The following COL14A1 variants were observed in gnomAD, a reference collection of about 807,000 sequenced individuals.
COL14A1 encodes the protein collagen alpha-1(XIV) chain.
In COL14A1, 136 loss-of-function variants were observed where a neutral mutation model predicts 230.3. The observed-to-expected ratio is 0.59, with a 90% confidence interval of 0.51 to 0.68. The LOEUF (loss-of-function observed/expected upper bound fraction) is 0.68. COL14A1 is among the 30% of genes least tolerant of loss of function. The probability of loss-of-function intolerance (pLI) is 0.00; values close to 1 mark genes in which losing one functional copy is unlikely to be tolerated. For synonymous variants in COL14A1, 792 were observed against 784.1 expected (o/e 1.01, Z -0.17); for missense variants, 1,976 against 2,215.8 (o/e 0.89, Z 2.17).
chr8:120,203,447 C>G (rs1053803611), intron 8 of COL14A1, among the ~76,000 whole-genome samples: 3 of 151,742 alleles, frequency 2.0e-5, no homozygotes, highest in African/African-American at 2.4e-5. Context: ...CCTTTTTTTG[C>G]TTATTTTCTT....
chr8:120,296,174 T>C (rs28569909), intron 34 of COL14A1, among the ~76,000 whole-genome samples: 19,827 of 151,468 alleles, frequency 0.13, 1,415 homozygotes, highest in Non-Finnish European at 0.16. Flanking sequence ...TTAAACCACC[T>C]GGAAAAAAAA....
intron 40 of COL14A1, among the ~76,000 whole-genome samples, chr8:120,325,385 AAGTC>A (rs1388577499): frequency 6.6e-6 from 1 of 152,216 alleles, no homozygotes; most frequent in East Asian, 1.9e-4. Context: ...TTTTTTAAAA[AAGTC>A]AGCCTAAGTG....
intron 25 of COL14A1, among the ~76,000 whole-genome samples, chr8:120,269,114 A>G (rs1819583683): frequency 6.6e-6 from 1 of 151,766 alleles, no homozygotes; most frequent in Non-Finnish European, 1.5e-5. Context: ...TTCTTAAAGA[A>G]AGGAGAAAGG....
chr8:120,225,990 T>C (rs897402859), intron 15 of COL14A1, among the ~76,000 whole-genome samples: 3 of 151,150 alleles, frequency 2.0e-5, no homozygotes, highest in African/African-American at 7.4e-5. Flanking sequence ...GTTGGGTTTT[T>C]ATGTTTTTTT....
At chr8:120,333,338 T>C (rs989649766) in intron 42 of COL14A1, among the ~76,000 whole-genome samples, 6 of 152,214 alleles carry the variant, frequency 3.9e-5, no homozygotes, top group Non-Finnish European at 5.9e-5. Flanking sequence ...CTGGGCCTGT[T>C]TCTTCATCTG....
chr8:120,317,629 C>G (rs764085), intron 40 of COL14A1, among the ~76,000 whole-genome samples: 3 of 152,250 alleles, frequency 2.0e-5, no homozygotes. Flanking sequence ...AGATTTAGTT[C>G]GGTGAGTTTA....
intron 8 of COL14A1, among the ~76,000 whole-genome samples, chr8:120,200,455 C>G (rs534440849): frequency 7.9e-5 from 12 of 151,796 alleles, no homozygotes; most frequent in Non-Finnish European, 1.6e-4. Flanking sequence ...AGATAGTACT[C>G]TCTGCTCTGT....
rs564324337 is a variant in COL14A1, at chr8:120,312,992, G to A, written c.4456-940G>A. 2.1e-4 allele frequency among the ~76,000 whole-genome samples: 32 copies of A among 152,238 alleles called. 2 individuals are homozygous for A. The South Asian group carries it at 6.0e-3, about 29-fold the overall frequency. ...TACATGGTTTAGTTTTAGTTAAACC[G>A]CAACAAGATCCAAGCTACAGAAATA... On this transcript the variant is annotated intron_variant, in intron 37 of 47. Coordinates refer to ENST00000297848, the MANE Select transcript of COL14A1 (RefSeq NM_021110.4).
intron 44 of COL14A1, among the ~76,000 whole-genome samples, chr8:120,345,123 T>C (rs1403963937): frequency 3.3e-5 from 5 of 152,158 alleles, no homozygotes; most frequent in Non-Finnish European, 5.9e-5. Flanking sequence ...TGATGTTTAT[T>C]GAGATGCTGA....
At chr8:120,146,124 A>G (rs1028992559) in intron 1 of COL14A1, among the ~76,000 whole-genome samples, 2 of 152,180 alleles carry the variant, frequency 1.3e-5, no homozygotes, top group South Asian at 2.1e-4. Flanking sequence ...TCCATCTGTA[A>G]CTATGTATTA....
rs1340638506 is a variant in COL14A1 at position 120,206,929 on chromosome 8, T to C, written c.1040-14T>C. The C allele has an allele frequency of 6.3e-7, 1 of 1,589,694 alleles. No homozygotes were observed. The highest frequency in any genetic ancestry group is 1.9e-5 in the Admixed American group (1 of 53,694). The stretch of plus-strand genomic sequence containing the variant: ...TTGGGTAAGAGGTTTATTTGATATG[T>C]TTTTTTAATTTAGCCTCAGCCCATG... On this transcript the variant is annotated splice_polypyrimidine_tract_variant and intron_variant, in intron 9 of 47. Transcript: ENST00000297848.
Position 120,285,912 on chromosome 8 carries a change from A to C in COL14A1, c.4019A>C (p.Gln1340Pro). 4 of 1,612,104 alleles carry C rather than the reference A, an allele frequency of 2.5e-6. No homozygotes were observed. The highest frequency in any genetic ancestry group is 3.4e-6 in the Non-Finnish European group (4 of 1,178,410). Residue 1340 changes from glutamine (Q) to proline (P), a missense_variant, in exon 33 of 48, where the codon CAA becomes CCA. Physicochemically the swap from Gln to Pro is moderately conservative, Grantham distance 76. Transcript: ENST00000297848. ...YFNYDQSGDF[Q>P]TVTFEGPEIR... Reference sequence around the variant, plus strand: ...AACTATGACCAGAGTGGGGATTTTCAAACTGTTACTTTCGAAGGACCTGAA... The same window carrying C: ...AACTATGACCAGAGTGGGGATTTTCCAACTGTTACTTTCGAAGGACCTGAA...
chr8:120,328,445 T>C (rs1480156321), intron 40 of COL14A1, among the ~76,000 whole-genome samples: 2 of 151,366 alleles, frequency 1.3e-5, no homozygotes, highest in African/African-American at 2.4e-5. Context: ...TTGCCCAGGC[T>C]AGTCTTGAAC....
intron 23 of COL14A1, among the ~76,000 whole-genome samples, chr8:120,261,534 G>A (rs1218617049): frequency 6.6e-6 from 1 of 152,068 alleles, no homozygotes; most frequent in African/African-American, 2.4e-5. Flanking sequence ...TCAGTCTCAG[G>A]ACCTAAGGGC....
chr8:120,334,106 G>C (rs965757132), intron 42 of COL14A1, among the ~76,000 whole-genome samples: 10 of 152,210 alleles, frequency 6.6e-5, no homozygotes, highest in African/African-American at 2.4e-4. Flanking sequence ...AGAAATGTTG[G>C]TTCTCATTCA....
rs114043764 is a variant in COL14A1, at chr8:120,367,079, C to T, written c.5078-92C>T. On this transcript the variant is annotated intron_variant, in intron 45 of 47. Coordinates refer to ENST00000297848, the MANE Select transcript of COL14A1 (RefSeq NM_021110.4). ...AACGAACCCACTTAATTGTCTTCAT[C>T]AGAGAAGCACTTTCGAACTCCAGAA... 332 of 995,598 alleles carry T rather than the reference C, an allele frequency of 3.3e-4. 1 individual carries two copies. The African/African-American group carries it at 4.6e-3, about 14-fold the overall frequency. 61.7% of individuals were successfully genotyped at this position (995,598 alleles called of 1,614,324 possible). A position where few individuals can be genotyped will look rare whatever the true frequency, so the allele number is the denominator to read the frequency against.
rs1223192238 is a variant in COL14A1 at position 120,371,680 on chromosome 8, TAAG to T, written c.*452_*454del. The T allele has an allele frequency of 2.5e-6, 1 of 398,372 alleles. No homozygotes were observed. Among genetic ancestry groups the T allele is most frequent in the Non-Finnish European group, 4.4e-6 (1 of 225,746 alleles). 24.7% of individuals were successfully genotyped at this position (398,372 alleles called of 1,614,324 possible). A position where few individuals can be genotyped will look rare whatever the true frequency, so the allele number is the denominator to read the frequency against. On this transcript the variant is annotated 3_prime_UTR_variant, in exon 48 of 48. Coordinates refer to ENST00000297848, the MANE Select transcript of COL14A1 (RefSeq NM_021110.4). ...CTTGCTGTAGGAATAACCTTGCTGA[TAAG>T]AAAAAAAGGGACAATATTGGAGAAA...
intron 42 of COL14A1, among the ~76,000 whole-genome samples, chr8:120,337,919 C>G (rs1412357673): frequency 1.3e-5 from 2 of 152,194 alleles, no homozygotes; most frequent in African/African-American, 4.8e-5. Context: ...CTGAGACTGC[C>G]TAGCTGCATC....
intron 23 of COL14A1, 48 bp from the exon 24 acceptor site, chr8:120,262,820 A>G: frequency 6.4e-7 from 1 of 1,568,672 alleles, no homozygotes; most frequent in Non-Finnish European, 8.6e-7. Context: ...GCTGTGTTTC[A>G]AAAATTTCAT....
Sources: gnomAD v4.1 joint callset for allele counts (sites outside exome capture counted in the v4.1 genomes callset) on GRCh38, gnomAD v4.1.1 for gene constraint, MANE v1.5 for transcripts, NCBI Gene and HGNC (gene_info 2026-07-23, HGNC 2026-07-21) for gene names.